Variants in EXOC4 observed in about 807,000 individuals in gnomAD.
The protein encoded by EXOC4 is SEC8-like 1.
Under a neutral mutation model 107.2 loss-of-function variants are expected in EXOC4, and 71 were observed. The ratio of observed to expected loss-of-function variants is 0.66; its 90% CI spans 0.55 to 0.81. The LOEUF is 0.81. Among genes scored for constraint, EXOC4 ranks in the 30% least tolerant of loss-of-function variants. The pLI is 0.00. For synonymous variants in EXOC4, 456 were observed against 441.2 expected (o/e 1.03, Z -0.42); for missense variants, 1,108 against 1,189.6 (o/e 0.93, Z 1.01).
chr7:133,286,838 A>G (rs1794290483), intron 2 of EXOC4, among the ~76,000 whole-genome samples: 1 of 152,092 alleles, frequency 6.6e-6, no homozygotes, highest in Non-Finnish European at 1.5e-5. Flanking sequence ...GCAGTGTCTC[A>G]TGCCTCCCTC....
chr7:133,364,953 G>A (rs1796219231), intron 6 of EXOC4, among the ~76,000 whole-genome samples: 1 of 152,114 alleles, frequency 6.6e-6, no homozygotes, highest in African/African-American at 2.4e-5. Context: ...TAAACATGAT[G>A]TTTCCAACCC....
At chr7:133,255,718 C>T (rs1230627606) in intron 1 of EXOC4, among the ~76,000 whole-genome samples, 2 of 152,074 alleles carry the variant, frequency 1.3e-5, no homozygotes, top group Non-Finnish European at 2.9e-5. Context: ...GCTATAACTT[C>T]CTGTTATTTC....
intron 7 of EXOC4, among the ~76,000 whole-genome samples, chr7:133,440,424 A>G (rs1177938655): frequency 6.7e-6 from 1 of 148,828 alleles, no homozygotes; most frequent in African/African-American, 2.5e-5. Flanking sequence ...TTAACTTCTC[A>G]TGCTACAGTT....
intron 9 of EXOC4, among the ~76,000 whole-genome samples, chr7:133,482,561 G>A (rs1799182039): frequency 6.6e-6 from 1 of 152,116 alleles, no homozygotes; most frequent in Non-Finnish European, 1.5e-5. Flanking sequence ...GGGTGGCAGT[G>A]CAGAGTAGGT....
intron 7 of EXOC4, among the ~76,000 whole-genome samples, chr7:133,424,563 A>G (rs534033175): frequency 5.9e-5 from 9 of 152,326 alleles, no homozygotes; most frequent in African/African-American, 1.7e-4. Flanking sequence ...AGAACCCACC[A>G]ATTCCAACAC....
chr7:133,784,992 A>G (rs79233533), intron 10 of EXOC4, among the ~76,000 whole-genome samples: 2,948 of 152,290 alleles, frequency 0.019, 62 homozygotes, highest in African/African-American at 0.058. Flanking sequence ...AGTGTATTGT[A>G]GTTAATTAGA....
intron 7 of EXOC4, among the ~76,000 whole-genome samples, chr7:133,434,983 G>A (rs529850955): frequency 2.8e-4 from 42 of 152,282 alleles, no homozygotes; most frequent in Admixed American, 1.2e-3. Context: ...CTGATTTTCA[G>A]TGTGGCTTAA....
At chr7:133,542,867 A>G (rs994259861) in intron 9 of EXOC4, among the ~76,000 whole-genome samples, 1 of 152,042 alleles carries the variant, frequency 6.6e-6, no homozygotes, top group African/African-American at 2.4e-5. Flanking sequence ...ATTCAGAAAA[A>G]TTTTATTTTT....
intron 9 of EXOC4, among the ~76,000 whole-genome samples, chr7:133,503,978 T>C (rs1385910324): frequency 6.7e-6 from 1 of 149,398 alleles, no homozygotes; most frequent in Non-Finnish European, 1.5e-5. Context: ...TAGACACACG[T>C]ATGTATATGT....
In EXOC4 at chr7:133,530,565, A is replaced by G. The variant is rs143656550; in HGVS notation, c.1417+50427A>G. On this transcript the variant is annotated intron_variant, in intron 9 of 17. Coordinates refer to ENST00000253861, the MANE Select transcript of EXOC4 (RefSeq NM_021807.4). Reference sequence around the variant, plus strand: ...CCCATGGAACCATCACTGTATGTACAGTGTGATGTTGATGGAAATGTTGTT... The same window carrying G: ...CCCATGGAACCATCACTGTATGTACGGTGTGATGTTGATGGAAATGTTGTT... Among the ~76,000 whole-genome samples the G allele has an allele frequency of 4.8e-3, 738 of 152,362 alleles. 4 individuals carry two copies. The highest frequency in any genetic ancestry group is 0.017 in the Middle Eastern group (5 of 294).
chr7:134,090,970 G>A, the EXOC4 span, among the ~76,000 whole-genome samples: 1 of 151,686 alleles, frequency 6.6e-6, no homozygotes, highest in African/African-American at 2.4e-5. Context: ...CTTTACCCAG[G>A]TATATGCACC....
intron 9 of EXOC4, chr7:133,480,472 T>G: frequency 9.1e-7 from 1 of 1,102,936 alleles, no homozygotes. Context: ...TACTTCTAAT[T>G]GTTGTTTTTG....
chr7:133,706,411 A>C (rs1235316213), intron 10 of EXOC4, among the ~76,000 whole-genome samples: 1 of 152,238 alleles, frequency 6.6e-6, no homozygotes, highest in Non-Finnish European at 1.5e-5. Context: ...ACATTTATAC[A>C]CACATACATG....
At chr7:133,714,624 G>A (rs1321314040) in intron 10 of EXOC4, among the ~76,000 whole-genome samples, 1 of 152,200 alleles carries the variant, frequency 6.6e-6, no homozygotes, top group Non-Finnish European at 1.5e-5. Flanking sequence ...TATTGAGCAT[G>A]TACAGACTTT....
chr7:134,076,284 G>A, the EXOC4 span, among the ~76,000 whole-genome samples: 16 of 152,258 alleles, frequency 1.1e-4, no homozygotes, highest in Middle Eastern at 3.4e-3. Flanking sequence ...TTGGGAGGCC[G>A]AGGCAGGTGG....
chr7:133,468,343 T>G (rs1325025426), intron 7 of EXOC4, among the ~76,000 whole-genome samples: 1 of 71,912 alleles, frequency 1.4e-5, no homozygotes, highest in East Asian at 4.1e-4. Context: ...TTCCTTTCCT[T>G]ACTGCAGAAT....
intron 9 of EXOC4, among the ~76,000 whole-genome samples, chr7:133,616,158 A>G (rs1026264320): frequency 6.6e-6 from 1 of 152,158 alleles, no homozygotes; most frequent in Admixed American, 6.6e-5. Context: ...GGATTTTATT[A>G]TGCATATATA....
intron 10 of EXOC4, among the ~76,000 whole-genome samples, chr7:133,788,045 G>T: frequency 8.1e-6 from 1 of 123,052 alleles, no homozygotes; most frequent in Non-Finnish European, 1.7e-5. Flanking sequence ...GCTTGAATAA[G>T]GTTCATATAG....
chr7:134,093,879 A>T, the EXOC4 span, among the ~76,000 whole-genome samples: 2 of 152,180 alleles, frequency 1.3e-5, no homozygotes, highest in African/African-American at 2.4e-5. Context: ...ATAACTGAAA[A>T]CAGAGATGTG....
Sources: gnomAD v4.1 joint callset for allele counts (sites outside exome capture counted in the v4.1 genomes callset) on GRCh38, gnomAD v4.1.1 for gene constraint, MANE v1.5 for transcripts, NCBI Gene and HGNC (gene_info 2026-07-23, HGNC 2026-07-21) for gene names.